Variants in ALG6 observed in about 807,000 individuals in gnomAD.
ALG6 encodes the protein dolichyl pyrophosphate Man9GlcNAc2 alpha-1,3-glucosyltransferase.
Under a neutral mutation model 66.6 loss-of-function variants are expected in ALG6, and 46 were observed. The observed-to-expected ratio is 0.69, with a 90% CI of 0.55 to 0.88. The LOEUF (loss-of-function observed/expected upper bound fraction) is 0.88, where lower values mean the gene tolerates loss of function less well. Among genes scored for constraint, ALG6 ranks in the 40% least tolerant of loss-of-function variants. The probability of loss-of-function intolerance (pLI) is 0.00; values close to 1 mark genes in which losing one functional copy is unlikely to be tolerated. For synonymous variants in ALG6, 185 were observed against 203.7 expected, an observed-to-expected ratio of 0.91 and a Z score of 0.78; for missense variants, 505 against 586.8, an observed-to-expected ratio of 0.86 and a Z score of 1.44.
At chr1:63,406,140 A>G (rs113372308) in intron 5 of ALG6, among the ~76,000 whole-genome samples, 177 bp from the exon 6 acceptor site, 14 of 152,252 alleles carry the variant, frequency 9.2e-5, no homozygotes, top group African/African-American at 2.2e-4. Flanking sequence ...CAATACAGCA[A>G]TTGAAATTAG....
intron 4 of ALG6, among the ~76,000 whole-genome samples, chr1:63,404,087 A>C (rs1644478695): frequency 6.6e-6 from 1 of 152,182 alleles, no homozygotes; most frequent in Non-Finnish European, 1.5e-5. Context: ...TATGATAACT[A>C]AAATATTATA....
Position 63,404,456 on chromosome 1 carries a change from A to G in ALG6, c.261A>G (p.Ala87=), listed in dbSNP as rs1644480752. The part of the protein sequence containing the change: ...AYHSLLCAYV[A]KFINPDWIAL... ...GTATATATGCTTTGATTTGCAGGGC[A>G]AAGTTTATAAATCCAGACTGGATTG... The change falls in exon 5 of 15, where the codon GCA becomes GCG. Residue 87 remains alanine (A), a synonymous_variant. Coordinates refer to ENST00000263440, the MANE Select transcript of ALG6 (RefSeq NM_013339.4). 1 of 1,613,408 alleles carries G rather than the reference A, an allele frequency of 6.2e-7. No homozygotes were observed. The highest frequency in any genetic ancestry group is 1.3e-5 in the African/African-American group (1 of 74,900).
intron 2 of ALG6, 115 bp from the exon 3 acceptor site, chr1:63,396,398 T>C: frequency 1.2e-6 from 1 of 864,966 alleles, no homozygotes; most frequent in Non-Finnish European, 1.9e-6. Flanking sequence ...GTAACTCCTG[T>C]GTTCTTTCTG....
At chr1:63,427,704 A>G (rs1238812829) in intron 12 of ALG6, among the ~76,000 whole-genome samples, 1 of 151,806 alleles carries the variant, frequency 6.6e-6, no homozygotes, top group Non-Finnish European at 1.5e-5. Flanking sequence ...TTCTTTGAGC[A>G]TTGCCACAAT....
chr1:63,423,065 C>T (rs1228519734), intron 12 of ALG6, among the ~76,000 whole-genome samples: 2 of 151,280 alleles, frequency 1.3e-5, no homozygotes, highest in Admixed American at 1.3e-4. Context: ...ACTCTGTCAC[C>T]CATGCTAGAG....
At position 63,408,530 on chromosome 1, in the gene ALG6, A is replaced by G. The variant is rs147395885; in HGVS notation, c.494+1404A>G. Among the ~76,000 whole-genome samples the G allele has an allele frequency of 9.7e-3, 1,477 of 152,316 alleles. 20 individuals are homozygous for G. Among genetic ancestry groups the G allele is most frequent in the African/African-American group, 0.032 (1,347 of 41,574 alleles). On this transcript the variant is annotated intron_variant, in intron 7 of 14. Coordinates refer to ENST00000263440, the MANE Select transcript of ALG6 (RefSeq NM_013339.4). ...TTGTACATATATAAACATTCTTCTT[A>G]TAAGTGGAATTGTTGAGTTATAGAG...
At chr1:63,379,511 G>A (rs1648234889) in intron 2 of ALG6, among the ~76,000 whole-genome samples, 1 of 151,992 alleles carries the variant, frequency 6.6e-6, no homozygotes, top group Non-Finnish European at 1.5e-5. Context: ...ATTCCTACCT[G>A]TTCAGGTCCC....
chr1:63,426,192 G>A (rs559826770), intron 12 of ALG6, among the ~76,000 whole-genome samples: 5 of 152,248 alleles, frequency 3.3e-5, no homozygotes, highest in South Asian at 2.1e-4. Context: ...GGGAATAATC[G>A]GGGATAAAGT....
chr1:63,386,732 C>G (rs1486068617), intron 2 of ALG6, among the ~76,000 whole-genome samples: 3 of 152,062 alleles, frequency 2.0e-5, no homozygotes, highest in Non-Finnish European at 4.4e-5. Context: ...AAAAGTGTCT[C>G]AATTTTGTTT....
intron 2 of ALG6, among the ~76,000 whole-genome samples, chr1:63,378,782 C>G (rs2179811): frequency 0.22 from 32,460 of 150,976 alleles, 3,696 homozygotes; most frequent in Middle Eastern, 0.32. Context: ...TTTTCCATCT[C>G]GGGGTTTCTT....
chr1:63,403,025 G>T (rs556916652), intron 4 of ALG6, among the ~76,000 whole-genome samples: 1 of 147,384 alleles, frequency 6.8e-6, no homozygotes, highest in African/African-American at 2.5e-5. Flanking sequence ...AACCCAGGAG[G>T]TGGAGGTTGC....
At chr1:63,396,965 AAAAAT>A (rs1374168003) in intron 3 of ALG6, among the ~76,000 whole-genome samples, 1 of 152,176 alleles carries the variant, frequency 6.6e-6, no homozygotes, top group Non-Finnish European at 1.5e-5. Flanking sequence ...AACTATAGAT[AAAAAT>A]AAAAGAGAGC....
chr1:63,423,798 T>C (rs1473014767), intron 12 of ALG6, among the ~76,000 whole-genome samples: 1 of 152,208 alleles, frequency 6.6e-6, no homozygotes, highest in African/African-American at 2.4e-5. Flanking sequence ...CCACTGTGAA[T>C]ATTCATGTAC....
intron 12 of ALG6, chr1:63,428,524 T>C (rs893389898): frequency 4.9e-6 from 2 of 412,000 alleles, no homozygotes; most frequent in African/African-American, 4.1e-5. Flanking sequence ...TTCCAATTAT[T>C]ATGAGGAGTT....
In ALG6 at chr1:63,438,527, T is replaced by C. The variant is rs1436818802; in HGVS notation, c.*1507T>C. On this transcript the variant is annotated 3_prime_UTR_variant, in exon 15 of 15. Coordinates refer to ENST00000263440, the MANE Select transcript of ALG6 (RefSeq NM_013339.4). Reference sequence around the variant, plus strand: ...ACTTTATTATTTGGAAATAAAAGTATTATGTACATATATTAGTAAAATGAA... The same window carrying C: ...ACTTTATTATTTGGAAATAAAAGTACTATGTACATATATTAGTAAAATGAA... 1.3e-5 allele frequency: 2 copies of C among 152,342 alleles called. No homozygotes were observed. Among genetic ancestry groups the C allele is most frequent in the African/African-American group, 4.8e-5 (2 of 41,578 alleles). 9.4% of individuals were successfully genotyped at this position (152,342 alleles called of 1,614,324 possible).
At chr1:63,436,236 A>G (rs989024164) in intron 14 of ALG6, among the ~76,000 whole-genome samples, 9 of 152,152 alleles carry the variant, frequency 5.9e-5, no homozygotes, top group Non-Finnish European at 1.3e-4. Flanking sequence ...CATTCATGTA[A>G]TGCATGAAGA....
chr1:63,403,565 A>G (rs1644475790), intron 4 of ALG6, among the ~76,000 whole-genome samples: 1 of 152,220 alleles, frequency 6.6e-6, no homozygotes, highest in Admixed American at 6.5e-5. Flanking sequence ...TTTAATTTCT[A>G]CTTACAGCCC....
At chr1:63,376,238 A>G (rs1648121756) in intron 2 of ALG6, among the ~76,000 whole-genome samples, 1 of 152,240 alleles carries the variant, frequency 6.6e-6, no homozygotes, top group Non-Finnish European at 1.5e-5. Flanking sequence ...CAGTTGTAGC[A>G]CATGGTAAGT....
intron 12 of ALG6, among the ~76,000 whole-genome samples, chr1:63,425,590 A>T (rs2100436972): frequency 6.6e-6 from 1 of 152,306 alleles, no homozygotes; most frequent in Non-Finnish European, 1.5e-5. Flanking sequence ...CAGATCAGGG[A>T]AATATATAGT....
Sources: allele counts gnomAD v4.1 joint callset (sites outside exome capture counted in the v4.1 genomes callset), GRCh38; gene constraint gnomAD v4.1.1; transcripts MANE v1.5; gene names NCBI Gene and HGNC (gene_info 2026-07-23, HGNC 2026-07-21).